Variants in SLC9A9 observed in about 807,000 individuals in gnomAD.
The protein encoded by SLC9A9 is solute carrier family 9 member A9.
In SLC9A9, 62 loss-of-function variants were observed where a neutral mutation model predicts 77.8. The ratio of observed to expected loss-of-function variants is 0.80; its 90% CI spans 0.65 to 0.98. The LOEUF (loss-of-function observed/expected upper bound fraction) is 0.98. Among genes scored for constraint, SLC9A9 ranks in the 50% least tolerant of loss-of-function variants. The pLI, the probability that SLC9A9 is intolerant of heterozygous loss-of-function variation, is 0.00. For synonymous variants in SLC9A9, 320 were observed against 283.5 expected (o/e 1.13, Z -1.29); for missense variants, 775 against 774.9 (o/e 1.00, Z 0.00).
intron 14 of SLC9A9, among the ~76,000 whole-genome samples, chr3:143,304,755 C>T (rs7428843): frequency 0.74 from 111,910 of 152,118 alleles, 41,456 homozygotes; most frequent in East Asian, 0.93. Context: ...TATTAGTTTT[C>T]CTAAAGGCTG....
intron 5 of SLC9A9, among the ~76,000 whole-genome samples, chr3:143,674,480 A>G (rs966202432): frequency 1.3e-5 from 2 of 152,138 alleles, no homozygotes. Context: ...TTTCACCCAT[A>G]AACACACGAG....
chr3:143,732,815 G>A (rs191732237), intron 4 of SLC9A9, among the ~76,000 whole-genome samples: 5 of 152,216 alleles, frequency 3.3e-5, no homozygotes, highest in African/African-American at 1.2e-4. Flanking sequence ...GAACTCCAGA[G>A]AAAGAAAACT....
chr3:143,327,615 AT>A (rs2031643916), intron 14 of SLC9A9, among the ~76,000 whole-genome samples: 1 of 151,938 alleles, frequency 6.6e-6, no homozygotes, highest in African/African-American at 2.4e-5. Flanking sequence ...CCCCTTCCCT[AT>A]TTTTTGTTCT....
intron 2 of SLC9A9, among the ~76,000 whole-genome samples, chr3:143,809,301 T>G (rs1255999505): frequency 6.6e-6 from 1 of 152,242 alleles, no homozygotes; most frequent in Admixed American, 6.5e-5. Flanking sequence ...GCAGGTTAAC[T>G]AATATCCTAT....
chr3:143,827,118 C>T (rs1457991796), intron 2 of SLC9A9, among the ~76,000 whole-genome samples: 1 of 152,152 alleles, frequency 6.6e-6, no homozygotes, highest in Non-Finnish European at 1.5e-5. Flanking sequence ...TTTGAACTTC[C>T]TATTGACATA....
At chr3:143,784,906 C>T (rs76556941) in intron 4 of SLC9A9, among the ~76,000 whole-genome samples, 1,885 of 152,118 alleles carry the variant, frequency 0.012, 30 homozygotes, top group African/African-American at 0.043. Context: ...TGCCAGAGAG[C>T]TCTCTCATCT....
intron 2 of SLC9A9, among the ~76,000 whole-genome samples, chr3:143,822,161 G>A (rs1430861037): frequency 6.6e-6 from 1 of 152,172 alleles, no homozygotes; most frequent in African/African-American, 2.4e-5. Context: ...GCTTCCCAAG[G>A]AGGCAGCCAC....
intron 5 of SLC9A9, among the ~76,000 whole-genome samples, chr3:143,678,487 A>AT (rs1181283109): frequency 1.3e-5 from 2 of 152,120 alleles, no homozygotes; most frequent in Admixed American, 1.3e-4. Flanking sequence ...ATATGTGTTC[A>AT]ATTTTATAAT....
At chr3:143,776,837 T>C (rs17592274) in intron 4 of SLC9A9, among the ~76,000 whole-genome samples, 75,107 of 152,006 alleles carry the variant, frequency 0.49, 21,606 homozygotes, top group African/African-American at 0.8. Context: ...TGGAATATTG[T>C]TTTGATGGAG....
intron 11 of SLC9A9, among the ~76,000 whole-genome samples, chr3:143,470,296 T>C (rs752632965): frequency 6.6e-6 from 1 of 151,868 alleles, no homozygotes; most frequent in East Asian, 1.9e-4. Context: ...CTGGCCAACA[T>C]AGTAAAACCC....
At chr3:143,671,308 G>GT (rs905672002) in intron 5 of SLC9A9, among the ~76,000 whole-genome samples, 35 of 151,048 alleles carry the variant, frequency 2.3e-4, no homozygotes, top group East Asian at 5.8e-4. Context: ...GCAAAAGTCA[G>GT]TTTTTTTTTC....
At chr3:143,763,037 A>T (rs79443013) in intron 4 of SLC9A9, among the ~76,000 whole-genome samples, 5,550 of 152,212 alleles carry the variant, frequency 0.036, 351 homozygotes, top group African/African-American at 0.13. Context: ...AGAGGAGGCG[A>T]TGGAACTATT....
At chr3:143,788,243 T>A (rs1046583995) in intron 4 of SLC9A9, among the ~76,000 whole-genome samples, 3 of 152,196 alleles carry the variant, frequency 2.0e-5, no homozygotes, top group Non-Finnish European at 4.4e-5. Flanking sequence ...GAATTCACTG[T>A]AAAGGGCACA....
intron 4 of SLC9A9, among the ~76,000 whole-genome samples, chr3:143,699,687 C>G (rs1444553438): frequency 6.6e-6 from 1 of 152,164 alleles, no homozygotes; most frequent in Non-Finnish European, 1.5e-5. Context: ...TTGAGTTCTG[C>G]CAAGCCTCCC....
intron 6 of SLC9A9, among the ~76,000 whole-genome samples, chr3:143,626,077 C>T (rs1343853533): frequency 1.3e-5 from 2 of 152,336 alleles, no homozygotes; most frequent in East Asian, 1.9e-4. Context: ...TACCATCTCA[C>T]ACCAGTTGGA....
chr3:143,357,033 C>T (rs2032613043), intron 14 of SLC9A9, among the ~76,000 whole-genome samples: 1 of 152,148 alleles, frequency 6.6e-6, no homozygotes, highest in Non-Finnish European at 1.5e-5. Flanking sequence ...GCCAGCTTCC[C>T]AGGAGAAGCA....
At chr3:143,280,150 C>T (rs998957156) in intron 14 of SLC9A9, among the ~76,000 whole-genome samples, 10 of 151,338 alleles carry the variant, frequency 6.6e-5, no homozygotes, top group African/African-American at 2.5e-4. Context: ...GTTTGTTTCT[C>T]CGGTCCCTGG....
chr3:143,779,267 G>C (rs946661331), intron 4 of SLC9A9, among the ~76,000 whole-genome samples: 1 of 152,138 alleles, frequency 6.6e-6, no homozygotes, highest in African/African-American at 2.4e-5. Flanking sequence ...CATTTGCAGA[G>C]ATCTAAGAAT....
At chr3:143,607,937 G>A (rs2037955010) in intron 6 of SLC9A9, among the ~76,000 whole-genome samples, 1 of 151,836 alleles carries the variant, frequency 6.6e-6, no homozygotes, top group Non-Finnish European at 1.5e-5. Context: ...GTACAAAGAG[G>A]TATATTCATA....
Sources: allele counts gnomAD v4.1 joint callset (sites outside exome capture counted in the v4.1 genomes callset), GRCh38; gene constraint gnomAD v4.1.1; transcripts MANE v1.5; gene names NCBI Gene and HGNC (gene_info 2026-07-23, HGNC 2026-07-21).